The following PGGT1B variants were observed in gnomAD, a reference collection of about 807,000 sequenced individuals.
The protein encoded by PGGT1B is protein geranylgeranyltransferase type I subunit beta.
A neutral mutation model predicts 46.1 loss-of-function variants in PGGT1B; 30 were observed. The observed-to-expected ratio is 0.65, with a 90% confidence interval of 0.49 to 0.88. The LOEUF (loss-of-function observed/expected upper bound fraction) is 0.88, where lower values mean the gene tolerates loss of function less well. PGGT1B is among the 40% of genes least tolerant of loss of function. PGGT1B has a pLI of 0.00. For synonymous variants in PGGT1B, 170 were observed against 160.0 expected, an observed-to-expected ratio of 1.06 and a Z score of -0.47; for missense variants, 376 against 455.9, an observed-to-expected ratio of 0.82 and a Z score of 1.60.
chr5:115,262,624 C>T (rs1006997902), intron 1 of PGGT1B, 88 bp downstream of exon 1: 5 of 1,450,340 alleles, frequency 3.4e-6, no homozygotes, highest in African/African-American at 1.4e-5. Context: ...AGCCCCCTTC[C>T]GGCGCCCAGT....
intron 6 of PGGT1B, among the ~76,000 whole-genome samples, chr5:115,227,495 T>G (rs1756825722): frequency 6.6e-6 from 1 of 152,186 alleles, no homozygotes; most frequent in Non-Finnish European, 1.5e-5. Flanking sequence ...ACTCTTGCCC[T>G]GGTTACGTCA....
intron 2 of PGGT1B, among the ~76,000 whole-genome samples, chr5:115,249,421 C>T (rs1747989921): frequency 6.6e-6 from 1 of 152,102 alleles, no homozygotes; most frequent in Non-Finnish European, 1.5e-5. Context: ...GGTTCTCATC[C>T]CTGACGCGGG....
chr5:115,257,830 A>G (rs1748388813), intron 1 of PGGT1B, among the ~76,000 whole-genome samples: 1 of 152,234 alleles, frequency 6.6e-6, no homozygotes, highest in African/African-American at 2.4e-5. Context: ...AGAAATAAGA[A>G]CACAAATAAA....
At position 115,206,445 on chromosome 5, in the gene PGGT1B, C is replaced by T. The variant is rs1274998131; in HGVS notation, c.*5957G>A. The T allele has an allele frequency of 6.6e-6, 1 of 151,920 alleles. No homozygotes were observed. Among genetic ancestry groups the T allele is most frequent in the Non-Finnish European group, 1.5e-5 (1 of 67,874 alleles). The allele number at this position is 151,920 out of a possible 1,614,324, so 9.4% of individuals were successfully genotyped here. A position where few individuals can be genotyped will look rare whatever the true frequency, so the allele number is the denominator to read the frequency against. On this transcript the variant is annotated 3_prime_UTR_variant, in exon 9 of 9. Transcript: ENST00000419445. The stretch of plus-strand genomic sequence containing the variant: ...AATTAAGCACCAGTAATCTCAATAG[C>T]ACTTACTTAAAAGTTCATTTTCTCA...
At position 115,207,461 on chromosome 5, in the gene PGGT1B, C is replaced by G. The variant is rs1317951825; in HGVS notation, c.*4941G>C. ...CACTCATATAAAATTCAAAAACAGA[C>G]AAAACTAATTGATGGTAATTTTGAC... is the stretch of plus-strand genomic sequence containing the variant. On this transcript the variant is annotated 3_prime_UTR_variant, in exon 9 of 9. Coordinates refer to ENST00000419445, the MANE Select transcript of PGGT1B (RefSeq NM_005023.4). 6.6e-6 allele frequency: 1 copy of G among 151,580 alleles called. No individual in the cohort carries two copies. The highest frequency in any genetic ancestry group is 1.5e-5 in the Non-Finnish European group (1 of 67,830). The allele number at this position is 151,580 out of a possible 1,614,324, so 9.4% of individuals were successfully genotyped here. A position where few individuals can be genotyped will look rare whatever the true frequency, so the allele number is the denominator to read the frequency against.
chr5:115,230,986 A>C lies in PGGT1B; in HGVS notation c.648T>G (p.Leu216=). ...TTTAAGATGTCTTACCATGAGATTC[A>C]AGTCCAGCTCCCTGTGCCAGTCCAT... is the stretch of plus-strand genomic sequence containing the variant. ...YDNGLAQGAG[L]ESHGGSTFCG... Residue 216 remains leucine, a synonymous_variant, in exon 6 of 9, where the codon CTT becomes CTG. Coordinates refer to ENST00000419445, the MANE Select transcript of PGGT1B (RefSeq NM_005023.4). The C allele has an allele frequency of 6.3e-7, 1 of 1,577,774 alleles. No individual in the cohort carries two copies. The highest frequency in any genetic ancestry group is 8.7e-7 in the Non-Finnish European group (1 of 1,154,466).
At chr5:115,248,723 T>C (rs546410883) in intron 2 of PGGT1B, among the ~76,000 whole-genome samples, 124 of 152,284 alleles carry the variant, frequency 8.1e-4, no homozygotes, top group African/African-American at 2.7e-3. Context: ...TAAAACAACA[T>C]TGAAACCTGG....
chr5:115,218,928 A>G (rs1756506468), intron 7 of PGGT1B, among the ~76,000 whole-genome samples: 1 of 151,896 alleles, frequency 6.6e-6, no homozygotes, highest in South Asian at 2.1e-4. Flanking sequence ...TGAAAACTAC[A>G]AAACATTGCT....
At position 115,236,990 on chromosome 5, in the gene PGGT1B, T is replaced by C. The variant is rs891230054; in HGVS notation, c.480-468A>G. Among the ~76,000 whole-genome samples, 36 of 152,224 alleles carry C rather than the reference T, an allele frequency of 2.4e-4. 1 individual carries two copies. Among genetic ancestry groups the C allele is most frequent in the African/African-American group, 8.7e-4 (36 of 41,468 alleles). ...ATCGATTGATCATATTGTATTTTAA[T>C]TTTACATATTAGTTGTAGAGAGGCA... On this transcript the variant is annotated intron_variant, in intron 4 of 8. Transcript: ENST00000419445.
In PGGT1B at chr5:115,236,442, T is replaced by C. The variant is rs1757184160; in HGVS notation, c.560A>G (p.Asn187Ser). 6.3e-7 allele frequency: 1 copy of C among 1,598,674 alleles called. No individual in the cohort carries two copies. Among genetic ancestry groups the C allele is most frequent in the Non-Finnish European group, 8.5e-7 (1 of 1,173,546 alleles). ...TTTTTTCATATCCATGCCTGACCAG[T>C]TGTTGAGCATATAGCAAATACAGGA... The part of the protein sequence containing the change: ...CASCICYMLN[N>S]WSGMDMKKAI... The change falls in exon 5 of 9, where the codon AAC becomes AGC. Residue 187 changes from asparagine (N) to serine (S), a missense_variant. Physicochemically the swap from Asn to Ser is conservative, Grantham distance 46 (BLOSUM62 1). Around this residue, in one of 2 missense-constraint regions of PGGT1B, gnomAD observed 222 missense variants for 313.6 expected, o/e 0.71. Transcript: ENST00000419445.
chr5:115,238,178 T>G (rs1323518020), intron 3 of PGGT1B, among the ~76,000 whole-genome samples, 169 bp from the exon 4 acceptor site: 1 of 151,900 alleles, frequency 6.6e-6, no homozygotes, highest in African/African-American at 2.4e-5. Flanking sequence ...TATGTCTCAA[T>G]ATGAATATGA....
intron 2 of PGGT1B, among the ~76,000 whole-genome samples, chr5:115,247,411 T>C (rs1747897225): frequency 6.6e-6 from 1 of 152,196 alleles, no homozygotes; most frequent in Non-Finnish European, 1.5e-5. Flanking sequence ...TTCTTAAATA[T>C]ATTTCAAAAC....
intron 2 of PGGT1B, chr5:115,252,845 CTGACTA>C (rs1748162329): frequency 1.2e-5 from 3 of 257,546 alleles, no homozygotes; most frequent in African/African-American, 6.8e-5. Context: ...AACATAAATA[CTGACTA>C]TAAATAATCA....
At chr5:115,218,056 T>C (rs1756474087) in intron 7 of PGGT1B, among the ~76,000 whole-genome samples, 1 of 151,798 alleles carries the variant, frequency 6.6e-6, no homozygotes, top group African/African-American at 2.4e-5. Flanking sequence ...CTTAACATTA[T>C]AAAAATAAAG....
At position 115,228,847 on chromosome 5, in the gene PGGT1B, A is replaced by C. The variant is rs186160929; in HGVS notation, c.658+2129T>G. Reference sequence around the variant, plus strand: ...CAATAAATATAAGATGAGGAATGAGAAAAAGATATTGGATTTGAAATACAG... The same window carrying C: ...CAATAAATATAAGATGAGGAATGAGCAAAAGATATTGGATTTGAAATACAG... On this transcript the variant is annotated intron_variant, in intron 6 of 8. Coordinates refer to ENST00000419445, the MANE Select transcript of PGGT1B (RefSeq NM_005023.4). 3.3e-4 allele frequency among the ~76,000 whole-genome samples: 50 copies of C among 152,290 alleles called. No homozygotes were observed. The East Asian group carries it at 8.1e-3, about 25-fold the overall frequency.
Position 115,212,374 on chromosome 5 carries a change from T to TAC in PGGT1B, c.*27_*28insGT. The TAC allele has an allele frequency of 1.4e-5, 21 of 1,554,708 alleles. No homozygotes were observed. Among genetic ancestry groups the TAC allele is most frequent in the Non-Finnish European group, 1.4e-5 (16 of 1,131,882 alleles). Reference sequence around the variant, plus strand: ...ACTTGAGCTACAGTTATGCTACAAATCCCCCCACCCTCCCAATCTAAAATC... The same window carrying TAC: ...ACTTGAGCTACAGTTATGCTACAAATACCCCCCCACCCTCCCAATCTAAAATC... On this transcript the variant is annotated 3_prime_UTR_variant, in exon 9 of 9. Coordinates refer to ENST00000419445, the MANE Select transcript of PGGT1B (RefSeq NM_005023.4).
At chr5:115,212,707 T>C (rs911769799) in intron 8 of PGGT1B, 124 bp from the exon 9 acceptor site, 2 of 613,430 alleles carry the variant, frequency 3.3e-6, no homozygotes, top group Non-Finnish European at 5.4e-6. Flanking sequence ...AATGCTAATA[T>C]AGTTTTAAAA....
At chr5:115,246,015 A>C (rs1747817878) in intron 2 of PGGT1B, among the ~76,000 whole-genome samples, 1 of 152,196 alleles carries the variant, frequency 6.6e-6, no homozygotes, top group Admixed American at 6.5e-5. Context: ...TAATGTTTTA[A>C]AAAATGATGC....
At chr5:115,239,746 A>G (rs889218015) in intron 3 of PGGT1B, among the ~76,000 whole-genome samples, 4 of 152,220 alleles carry the variant, frequency 2.6e-5, no homozygotes, top group Non-Finnish European at 5.9e-5. Flanking sequence ...GGTAGAAGAA[A>G]AAGTAAACGC....
Sources: allele counts gnomAD v4.1 joint callset (sites outside exome capture counted in the v4.1 genomes callset), GRCh38; gene constraint gnomAD v4.1.1; regional missense constraint gnomAD v4.1.1; transcripts MANE v1.5; gene names NCBI Gene and HGNC (gene_info 2026-07-23, HGNC 2026-07-21).